UGGT1: variants seen among roughly 807,000 people sequenced by gnomAD.
UGGT1 encodes UDP-glucose:glycoprotein glucosyltransferase 1.
In UGGT1, 107 loss-of-function variants were observed where a neutral mutation model predicts 203.9. The observed-to-expected ratio is 0.52, with a 90% CI of 0.45 to 0.62. The LOEUF (loss-of-function observed/expected upper bound fraction) is 0.62, where lower values mean the gene tolerates loss of function less well. UGGT1 is among the 20% of genes least tolerant of loss of function. UGGT1 has a pLI of 0.00. For missense variants in UGGT1, 1,673 were observed against 1,867.2 expected (o/e 0.90, Z 1.92); for synonymous variants, 628 against 653.5 (o/e 0.96, Z 0.59).
chr2:128,106,295 A>G (rs1045746247), intron 3 of UGGT1, among the ~76,000 whole-genome samples: 52 of 152,196 alleles, frequency 3.4e-4, no homozygotes, highest in African/African-American at 1.1e-3. Flanking sequence ...TTAAAATAAC[A>G]TTTTTTCAGT....
rs753999559 is a variant in UGGT1, at chr2:128,190,709, A to T, written c.*967A>T. 6.6e-6 allele frequency: 1 copy of T among 152,328 alleles called. No individual in the cohort carries two copies. Among genetic ancestry groups the T allele is most frequent in the Non-Finnish European group, 1.5e-5 (1 of 68,166 alleles). 9.4% of individuals were successfully genotyped at this position (152,328 alleles called of 1,614,324 possible). ...CAGGCTCCCTCAAGACGAGCACCGC[A>T]TTGTCTGCCCTCTTTTGCGTAGGAT... is the stretch of plus-strand genomic sequence containing the variant. On this transcript the variant is annotated 3_prime_UTR_variant, in exon 41 of 41. Coordinates refer to ENST00000259253, the MANE Select transcript of UGGT1 (RefSeq NM_020120.4).
intron 38 of UGGT1, 100 bp downstream of exon 38, chr2:128,183,889 A>T: frequency 2.7e-6 from 2 of 747,956 alleles, no homozygotes; most frequent in Non-Finnish European, 4.4e-6. Flanking sequence ...TCCTCACAGG[A>T]TGGCGTCTTG....
At chr2:128,128,727 CAT>C (rs1688733629) in intron 12 of UGGT1, among the ~76,000 whole-genome samples, 1 of 152,176 alleles carries the variant, frequency 6.6e-6, no homozygotes, top group Admixed American at 6.6e-5. Flanking sequence ...GACATTGAAA[CAT>C]ATATTAAGCA....
At chr2:128,160,021 G>A (rs1484311989) in intron 23 of UGGT1, among the ~76,000 whole-genome samples, 1 of 152,122 alleles carries the variant, frequency 6.6e-6, no homozygotes, top group African/African-American at 2.4e-5. Flanking sequence ...CCACTTATAG[G>A]TTCAAGGCTT....
chr2:128,131,578 G>T (rs1490964691), intron 13 of UGGT1, among the ~76,000 whole-genome samples: 3 of 152,064 alleles, frequency 2.0e-5, no homozygotes, highest in East Asian at 3.9e-4. Context: ...TTTATTTGGG[G>T]TAGATATCTG....
chr2:128,112,454 TTATA>T lies in UGGT1; in HGVS notation c.522-614_522-611del, dbSNP rs59726004. Among the ~76,000 whole-genome samples, 226 of 55,806 alleles carry T rather than the reference TTATA, an allele frequency of 4.0e-3. 29 individuals carry two copies. The highest frequency in any genetic ancestry group is 0.027 in the East Asian group (35 of 1,292). 36.6% of individuals were successfully genotyped at this position (55,806 alleles called of 152,430 possible). A position where few individuals can be genotyped will look rare whatever the true frequency, so the allele number is the denominator to read the frequency against. ...AAAAAACCCCCCAAAAAATACTATG[TTATA>T]TATATATATATATATTACATACATA... On this transcript the variant is annotated intron_variant, in intron 5 of 40. Coordinates refer to ENST00000259253, the MANE Select transcript of UGGT1 (RefSeq NM_020120.4).
chr2:128,119,366 C>T (rs928525539), intron 8 of UGGT1, among the ~76,000 whole-genome samples: 8 of 151,218 alleles, frequency 5.3e-5, no homozygotes, highest in Non-Finnish European at 1.0e-4. Context: ...CTGAGGCGGG[C>T]GGATCACGAG....
intron 2 of UGGT1, among the ~76,000 whole-genome samples, chr2:128,101,064 T>G (rs1332449968): frequency 1.3e-5 from 2 of 152,194 alleles, no homozygotes; most frequent in Non-Finnish European, 2.9e-5. Context: ...GCCCTTTTGG[T>G]TTACTATTTT....
intron 12 of UGGT1, among the ~76,000 whole-genome samples, chr2:128,128,747 TGTA>T (rs1558774882): frequency 6.6e-6 from 1 of 152,228 alleles, no homozygotes; most frequent in Non-Finnish European, 1.5e-5. Context: ...GCATATATAA[TGTA>T]GTATCTCTTT....
intron 2 of UGGT1, among the ~76,000 whole-genome samples, chr2:128,097,766 T>C (rs1041025918): frequency 3.3e-4 from 51 of 152,252 alleles, no homozygotes; most frequent in African/African-American, 1.2e-3. Context: ...TGTGGGTTTA[T>C]AGAGCTATGT....
chr2:128,150,542 TCCTC>T (rs1222528659), intron 18 of UGGT1, among the ~76,000 whole-genome samples: 1 of 150,480 alleles, frequency 6.6e-6, no homozygotes, highest in Non-Finnish European at 1.5e-5. Flanking sequence ...CATGATTTCT[TCCTC>T]AAGACAACTA....
At chr2:128,091,974 C>G (rs905577117) in intron 1 of UGGT1, among the ~76,000 whole-genome samples, 1 of 152,144 alleles carries the variant, frequency 6.6e-6, no homozygotes, top group African/African-American at 2.4e-5. Flanking sequence ...GTTTTTGTTC[C>G]TTGGCCAGAA....
intron 6 of UGGT1, 72 bp from the exon 7 acceptor site, chr2:128,115,052 A>T: frequency 1.5e-6 from 2 of 1,369,264 alleles, no homozygotes; most frequent in Non-Finnish European, 2.1e-6. Context: ...CAACATTAAC[A>T]TGGTCATGCC....
chr2:128,098,264 T>C (rs1230135040), intron 2 of UGGT1, among the ~76,000 whole-genome samples: 1 of 152,124 alleles, frequency 6.6e-6, no homozygotes, highest in South Asian at 2.1e-4. Context: ...AGGACATTTT[T>C]CCCTTAAGAA....
intron 13 of UGGT1, 70 bp from the exon 14 acceptor site, chr2:128,133,071 A>G: frequency 6.4e-7 from 1 of 1,550,894 alleles, no homozygotes; most frequent in Non-Finnish European, 8.8e-7. Context: ...TTAAAGTCTT[A>G]TTGATATTAT....
chr2:128,138,681 G>C, intron 15 of UGGT1, 36 bp from the exon 16 acceptor site: 1 of 1,602,276 alleles, frequency 6.2e-7, no homozygotes, highest in Non-Finnish European at 8.5e-7. Flanking sequence ...TGCATTCTTT[G>C]ACATGTTTCT....
chr2:128,107,840 A>C, intron 3 of UGGT1, 98 bp from the exon 4 acceptor site: 1 of 1,544,432 alleles, frequency 6.5e-7, no homozygotes, highest in South Asian at 1.2e-5. Context: ...ACTTGCCTTC[A>C]CATACCTTTG....
chr2:128,151,579 C>T (rs1689975054), intron 18 of UGGT1, among the ~76,000 whole-genome samples: 1 of 152,118 alleles, frequency 6.6e-6, no homozygotes, highest in Non-Finnish European at 1.5e-5. Flanking sequence ...ATTATTTAGA[C>T]TTGAATGTGT....
At chr2:128,145,487 TACACACACACACAA>T in intron 17 of UGGT1, among the ~76,000 whole-genome samples, 1 of 114,718 alleles carries the variant, frequency 8.7e-6, no homozygotes, top group South Asian at 2.5e-4. Flanking sequence ...CAGCCTGTGC[TACACACACACACAA>T]ACACACACAC....
Sources: gnomAD v4.1 joint callset for allele counts (sites outside exome capture counted in the v4.1 genomes callset) on GRCh38, gnomAD v4.1.1 for gene constraint, MANE v1.5 for transcripts, NCBI Gene and HGNC (gene_info 2026-07-23, HGNC 2026-07-21) for gene names.